The following HHAT variants were observed in gnomAD, a reference collection of about 807,000 sequenced individuals.
HHAT encodes the protein hedgehog acyltransferase.
Under a neutral mutation model 70.8 loss-of-function variants are expected in HHAT, and 47 were observed. The ratio of observed to expected loss-of-function variants is 0.66; its 90% CI spans 0.53 to 0.85. The LOEUF (loss-of-function observed/expected upper bound fraction) is 0.85. Among genes scored for constraint, HHAT ranks in the 40% least tolerant of loss-of-function variants. The pLI is 0.00. For synonymous variants in HHAT, 228 were observed against 247.6 expected (o/e 0.92, Z 0.74); for missense variants, 609 against 604.8 (o/e 1.01, Z -0.07).
intron 7 of HHAT, among the ~76,000 whole-genome samples, chr1:210,434,423 A>AG (rs1195773397): frequency 6.6e-6 from 1 of 151,886 alleles, no homozygotes; most frequent in Non-Finnish European, 1.5e-5. Flanking sequence ...ATGTTCAGGA[A>AG]GAGGGTACTG....
intron 6 of HHAT, among the ~76,000 whole-genome samples, chr1:210,413,395 T>C (rs1207418283): frequency 7.9e-5 from 12 of 152,214 alleles, no homozygotes. Flanking sequence ...CTTGATGTTC[T>C]CTCCTGAACA....
At chr1:210,384,035 G>A (rs534946616) in intron 3 of HHAT, among the ~76,000 whole-genome samples, 1 of 152,282 alleles carries the variant, frequency 6.6e-6, no homozygotes, top group East Asian at 1.9e-4. Context: ...GGTGCCTAGA[G>A]CAGAACTCTG....
chr1:210,339,037 C>T (rs1345191630), intron 1 of HHAT, among the ~76,000 whole-genome samples: 4 of 152,040 alleles, frequency 2.6e-5, no homozygotes, highest in Non-Finnish European at 5.9e-5. Context: ...GAGTGGGACC[C>T]TGTCTCAAAA....
chr1:210,649,202 T>C (rs1674645337), intron 11 of HHAT, among the ~76,000 whole-genome samples: 1 of 152,206 alleles, frequency 6.6e-6, no homozygotes, highest in African/African-American at 2.4e-5. Flanking sequence ...TGTCTTCAGA[T>C]GGTGTTTGGA....
In HHAT at chr1:210,343,634, C is replaced by G. The variant is rs375361869; in HGVS notation, c.-43-5299C>G. Among the ~76,000 whole-genome samples the G allele has an allele frequency of 1.2e-4, 19 of 152,180 alleles. No individual in the cohort carries two copies. The East Asian group carries it at 3.5e-3, about 28-fold the overall frequency. ...GTCATTCCCTTGGGAGTAGCAGAGACGTAGGTGGTGAGGAAGAGGCACCGG... is the reference window on the plus strand; with the variant it reads ...GTCATTCCCTTGGGAGTAGCAGAGAGGTAGGTGGTGAGGAAGAGGCACCGG... On this transcript the variant is annotated intron_variant, in intron 1 of 11. Coordinates refer to ENST00000261458, the MANE Select transcript of HHAT (RefSeq NM_018194.6).
chr1:210,485,792 TC>T (rs1368981932), intron 8 of HHAT, among the ~76,000 whole-genome samples: 2 of 152,196 alleles, frequency 1.3e-5, no homozygotes, highest in East Asian at 3.9e-4. Flanking sequence ...GAAACTGCCC[TC>T]ATGATTCAAT....
intron 9 of HHAT, among the ~76,000 whole-genome samples, chr1:210,568,942 C>T (rs1490092092): frequency 6.6e-6 from 1 of 152,044 alleles, no homozygotes; most frequent in Non-Finnish European, 1.5e-5. Flanking sequence ...AAGTCCCCAA[C>T]CTGTGTGATC....
At chr1:210,543,803 A>ATTC (rs2095454960) in intron 9 of HHAT, among the ~76,000 whole-genome samples, 1 of 151,916 alleles carries the variant, frequency 6.6e-6, no homozygotes. Flanking sequence ...ATGGATGAGA[A>ATTC]TCTAGCAACA....
intron 9 of HHAT, among the ~76,000 whole-genome samples, chr1:210,522,405 A>G (rs2095171920): frequency 6.6e-6 from 1 of 152,248 alleles, no homozygotes; most frequent in Non-Finnish European, 1.5e-5. Flanking sequence ...TTAAATAAAA[A>G]GTGAAGAACA....
At chr1:210,522,975 C>T (rs957834513) in intron 9 of HHAT, among the ~76,000 whole-genome samples, 5 of 152,176 alleles carry the variant, frequency 3.3e-5, no homozygotes, top group Non-Finnish European at 5.9e-5. Context: ...GTTTTAGGGG[C>T]CATAACACTC....
intron 9 of HHAT, among the ~76,000 whole-genome samples, chr1:210,562,668 ATTATAC>A (rs2095634256): frequency 6.8e-6 from 1 of 146,824 alleles, no homozygotes; most frequent in South Asian, 2.1e-4. Context: ...TTTTTTTTTT[ATTATAC>A]TTTAAGTTTT....
chr1:210,577,438 C>T (rs150077089), intron 9 of HHAT, among the ~76,000 whole-genome samples: 167 of 152,094 alleles, frequency 1.1e-3, no homozygotes, highest in Middle Eastern at 3.4e-3. Context: ...AAGATGATAA[C>T]GAAGGCTTTT....
intron 11 of HHAT, among the ~76,000 whole-genome samples, chr1:210,639,196 C>T (rs1672515938): frequency 6.6e-6 from 1 of 152,114 alleles, no homozygotes; most frequent in South Asian, 2.1e-4. Context: ...TTCATTTGGC[C>T]ATTTACCTTT....
chr1:210,360,846 C>CTTTTTTTTTTT (rs3036585), intron 2 of HHAT, among the ~76,000 whole-genome samples: 1 of 124,302 alleles, frequency 8.0e-6, no homozygotes, highest in African/African-American at 3.3e-5. Flanking sequence ...ATTAACTTCA[C>CTTTTTTTTTTT]TTTTTTTTTT....
intron 8 of HHAT, among the ~76,000 whole-genome samples, chr1:210,493,166 G>T (rs1471412258): frequency 6.6e-6 from 1 of 151,984 alleles, no homozygotes; most frequent in African/African-American, 2.4e-5. Flanking sequence ...CAGTAAAAAA[G>T]CAGGGAGATC....
At chr1:210,513,858 A>G (rs2095004115) in intron 9 of HHAT, among the ~76,000 whole-genome samples, 1 of 152,214 alleles carries the variant, frequency 6.6e-6, no homozygotes, top group African/African-American at 2.4e-5. Context: ...AATGCTTGTC[A>G]GAAATATTGA....
chr1:210,389,282 G>A (rs899489915), intron 4 of HHAT, among the ~76,000 whole-genome samples: 3 of 152,222 alleles, frequency 2.0e-5, no homozygotes, highest in Admixed American at 2.0e-4. Context: ...CACATCTGGT[G>A]AGGGCCTTCT....
intron 11 of HHAT, among the ~76,000 whole-genome samples, chr1:210,661,030 C>T (rs139954627): frequency 0.017 from 2,567 of 152,232 alleles, 34 homozygotes; most frequent in Middle Eastern, 0.031. Context: ...GACTAAAACA[C>T]CAAAAGCAAT....
At chr1:210,425,340 T>C (rs2148300829) in intron 7 of HHAT, among the ~76,000 whole-genome samples, 1 of 152,282 alleles carries the variant, frequency 6.6e-6, no homozygotes, top group East Asian at 1.9e-4. Context: ...GTGCAGAAGC[T>C]CTTTAATTAG....
Sources: allele counts gnomAD v4.1 joint callset (sites outside exome capture counted in the v4.1 genomes callset), GRCh38; gene constraint gnomAD v4.1.1; transcripts MANE v1.5; gene names NCBI Gene and HGNC (gene_info 2026-07-23, HGNC 2026-07-21).